Variants in ANXA4 observed in about 807,000 individuals in gnomAD.
ANXA4 encodes the protein annexin A4.
ANXA4 carries 39 observed loss-of-function variants against 49.8 expected under a neutral mutation model. The observed-to-expected ratio is 0.78, with a 90% CI of 0.61 to 1.02. The LOEUF (loss-of-function observed/expected upper bound fraction) is 1.02, where lower values mean the gene tolerates loss of function less well. Ranked by LOEUF, ANXA4 falls within the 50% of genes least tolerant of loss-of-function variation. The probability of loss-of-function intolerance (pLI) is 0.00; values close to 1 mark genes in which losing one functional copy is unlikely to be tolerated. For missense variants in ANXA4, 360 were observed against 410.1 expected, an observed-to-expected ratio of 0.88 and a Z score of 1.05; for synonymous variants, 134 against 152.5, an observed-to-expected ratio of 0.88 and a Z score of 0.89.
chr2:69,683,173 A>G (rs1677657742), intron 2 of ANXA4, among the ~76,000 whole-genome samples: 1 of 152,246 alleles, frequency 6.6e-6, no homozygotes, highest in Admixed American at 6.5e-5. Context: ...CACATATGTC[A>G]ATAAACATAT....
At chr2:69,661,066 A>G (rs1676698352) in intron 2 of ANXA4, among the ~76,000 whole-genome samples, 1 of 151,952 alleles carries the variant, frequency 6.6e-6, no homozygotes, top group South Asian at 2.1e-4. Flanking sequence ...ACAAGAAAAC[A>G]GCAATTAGAC....
intron 3 of ANXA4, among the ~76,000 whole-genome samples, chr2:69,724,725 A>AAAGAAAGATAAGCTGGGGCAAGC: frequency 6.6e-6 from 1 of 152,200 alleles, no homozygotes; most frequent in Non-Finnish European, 1.5e-5. Context: ...CTGGGGCAAG[A>AAAGAAAGATAAGCTGGGGCAAGC]AAGAAAGATA....
At chr2:69,668,595 T>A (rs1677032069) in intron 2 of ANXA4, among the ~76,000 whole-genome samples, 1 of 152,216 alleles carries the variant, frequency 6.6e-6, no homozygotes, top group East Asian at 1.9e-4. Flanking sequence ...TATAGACACA[T>A]ACATGTATGT....
At chr2:69,701,727 A>G (rs1678335069) in intron 2 of ANXA4, among the ~76,000 whole-genome samples, 1 of 152,106 alleles carries the variant, frequency 6.6e-6, no homozygotes, top group Non-Finnish European at 1.5e-5. Flanking sequence ...TCATGCTGCC[A>G]GTTTACTCCA....
At chr2:69,690,792 A>G (rs1323380749) in intron 2 of ANXA4, among the ~76,000 whole-genome samples, 1 of 152,188 alleles carries the variant, frequency 6.6e-6, no homozygotes, top group African/African-American at 2.4e-5. Flanking sequence ...CCTGAGTAAC[A>G]AGAGGCCTTG....
intron 8 of ANXA4, chr2:69,814,733 GAC>G (rs1433732753): frequency 6.5e-6 from 1 of 154,240 alleles, no homozygotes; most frequent in Non-Finnish European, 1.4e-5. Flanking sequence ...GAGCGAGAGA[GAC>G]ACAGAGGGGT....
chr2:69,711,371 G>C (rs531376080), intron 2 of ANXA4, among the ~76,000 whole-genome samples: 1 of 152,306 alleles, frequency 6.6e-6, no homozygotes, highest in South Asian at 2.1e-4. Flanking sequence ...CAGTAAAAAT[G>C]AATAAGCTAC....
At chr2:69,707,958 A>G (rs939393693) in intron 2 of ANXA4, among the ~76,000 whole-genome samples, 3 of 152,180 alleles carry the variant, frequency 2.0e-5, no homozygotes, top group African/African-American at 7.2e-5. Flanking sequence ...GAAGTTACAC[A>G]ATATTTATTC....
intron 2 of ANXA4, among the ~76,000 whole-genome samples, chr2:69,689,098 C>G (rs999622175): frequency 1.5e-4 from 23 of 151,898 alleles, no homozygotes; most frequent in Non-Finnish European, 2.5e-4. Context: ...CTTTTCTTTT[C>G]CTTTTTTTTT....
intron 1 of ANXA4, among the ~76,000 whole-genome samples, chr2:69,753,068 T>C (rs2105499436): frequency 6.6e-6 from 1 of 152,342 alleles, no homozygotes; most frequent in Non-Finnish European, 1.5e-5. Context: ...TCCCCTACCC[T>C]GCAATTCGTA....
intron 2 of ANXA4, among the ~76,000 whole-genome samples, chr2:69,691,565 A>G (rs1677966923): frequency 1.9e-5 from 1 of 51,338 alleles, no homozygotes; most frequent in Non-Finnish European, 3.8e-5. Context: ...TCACACACAC[A>G]CACACATGCA....
chr2:69,736,495 A>C (rs1670248185), intron 3 of ANXA4, among the ~76,000 whole-genome samples: 1 of 152,176 alleles, frequency 6.6e-6, no homozygotes, highest in South Asian at 2.1e-4. Context: ...TGTTAGCTGT[A>C]CTCTATAGTT....
chr2:69,779,262 A>G (rs1168203525), intron 1 of ANXA4, among the ~76,000 whole-genome samples: 1 of 152,086 alleles, frequency 6.6e-6, no homozygotes, highest in Admixed American at 6.5e-5. Context: ...AAAGATGTCT[A>G]GTTATGTAAA....
intron 2 of ANXA4, among the ~76,000 whole-genome samples, chr2:69,658,726 G>T (rs1026561020): frequency 1.3e-5 from 2 of 151,524 alleles, no homozygotes; most frequent in African/African-American, 2.4e-5. Context: ...ACTGAGTCTC[G>T]CTCTGTCGCC....
intron 2 of ANXA4, among the ~76,000 whole-genome samples, chr2:69,706,810 A>G (rs1003733653): frequency 5.3e-5 from 8 of 152,196 alleles, no homozygotes; most frequent in Admixed American, 5.2e-4. Flanking sequence ...ATGCTATATC[A>G]TGTATCAGTA....
chr2:69,644,181 C>G (rs905362553), upstream of ANXA4, among the ~76,000 whole-genome samples: 3 of 81,072 alleles, frequency 3.7e-5, no homozygotes, highest in Non-Finnish European at 6.7e-5. Context: ...CCCCCCCCCC[C>G]CGCTGTATGT....
chr2:69,656,324 T>C lies in ANXA4; in HGVS notation n.766+3042T>C, dbSNP rs1217615740. 0.014 allele frequency among the ~76,000 whole-genome samples: 1,366 copies of C among 97,578 alleles called. 190 individuals are homozygous for C. The East Asian group carries it at 0.17, about 12-fold the overall frequency. The allele number at this position is 97,578 out of a possible 152,430, so 64.0% of individuals were successfully genotyped here. On this transcript the variant is annotated intron_variant and non_coding_transcript_variant, in intron 2 of 3. Transcript: ENST00000418066. ...ATATATGTATATATGTATATATATG[T>C]ATATATATGTGTATATATATGTGTA...
At chr2:69,744,102 G>C (rs1164210850) in intron 1 of ANXA4, among the ~76,000 whole-genome samples, 1 of 152,174 alleles carries the variant, frequency 6.6e-6, no homozygotes, top group East Asian at 1.9e-4. Context: ...GAATAAACAA[G>C]GGGTGGGGAA....
intron 1 of ANXA4, among the ~76,000 whole-genome samples, chr2:69,765,816 G>A (rs1206942409): frequency 6.6e-6 from 1 of 152,164 alleles, no homozygotes; most frequent in East Asian, 1.9e-4. Context: ...GAAAGAAAGT[G>A]AGAGGAGGAG....
Sources: allele counts gnomAD v4.1 joint callset (sites outside exome capture counted in the v4.1 genomes callset), GRCh38; gene constraint gnomAD v4.1.1; transcripts MANE v1.5; gene names NCBI Gene and HGNC (gene_info 2026-07-23, HGNC 2026-07-21).